Variants in CCBE1 observed in about 807,000 individuals in gnomAD.
CCBE1 encodes collagen and calcium-binding EGF domain-containing protein 1.
In CCBE1, 37 loss-of-function variants were observed where a neutral mutation model predicts 50.0. The ratio of observed to expected loss-of-function variants is 0.74; its 90% CI spans 0.57 to 0.97. CCBE1 has a LOEUF of 0.97. Ranked by LOEUF, CCBE1 falls within the 50% of genes least tolerant of loss-of-function variation. The pLI, the probability that CCBE1 is intolerant of heterozygous loss-of-function variation, is 0.00. For missense variants in CCBE1, 538 were observed against 523.8 expected, an observed-to-expected ratio of 1.03 and a Z score of -0.26; for synonymous variants, 234 against 203.7, an observed-to-expected ratio of 1.15 and a Z score of -1.27.
upstream of CCBE1, chr18:59,697,455 G>T: frequency 7.1e-7 from 1 of 1,413,404 alleles, no homozygotes; most frequent in South Asian, 1.4e-5. Context: ...CGGAGAGCAG[G>T]GGCGTTTGCA....
At chr18:59,653,354 A>G (rs943272539) in intron 2 of CCBE1, among the ~76,000 whole-genome samples, 1 of 152,222 alleles carries the variant, frequency 6.6e-6, no homozygotes, top group Non-Finnish European at 1.5e-5. Context: ...TACCCAGGTT[A>G]AGGTTAAACA....
At position 59,639,717 on chromosome 18, in the gene CCBE1, C is replaced by T. The variant is rs539255542; in HGVS notation, c.212+56912G>A. Among the ~76,000 whole-genome samples, 4 of 152,154 alleles carry T rather than the reference C, an allele frequency of 2.6e-5. No individual in the cohort carries two copies. The South Asian group carries it at 8.3e-4, about 32-fold the overall frequency. On this transcript the variant is annotated intron_variant, in intron 2 of 10. Coordinates refer to ENST00000439986, the MANE Select transcript of CCBE1 (RefSeq NM_133459.4). ...TAGTCAAACTTTCCCTGTTTCCAGG[C>T]GATATGATTTTATACCTAGAAACCC... is the stretch of plus-strand genomic sequence containing the variant.
Position 59,610,137 on chromosome 18 carries a change from A to T in CCBE1, c.212+86492T>A, listed in dbSNP as rs149679998. Among the ~76,000 whole-genome samples, 10 of 152,358 alleles carry T rather than the reference A, an allele frequency of 6.6e-5. No homozygotes were observed. In the East Asian group the frequency reaches 1.9e-3, roughly 29 times the overall value. ...TAAGTTTAAAAGTAGAGGAAAGTAC[A>T]TGGGAGCAATGAACACCAAGTTTGC... On this transcript the variant is annotated intron_variant, in intron 2 of 10. Transcript: ENST00000439986.
At chr18:59,449,213 C>T (rs1260315983) in intron 6 of CCBE1, among the ~76,000 whole-genome samples, 4 of 152,142 alleles carry the variant, frequency 2.6e-5, no homozygotes, top group African/African-American at 9.7e-5. Flanking sequence ...TGGATTTCCT[C>T]ATCTATAAAA....
chr18:59,527,694 T>C (rs923615280), intron 2 of CCBE1, among the ~76,000 whole-genome samples: 1 of 152,218 alleles, frequency 6.6e-6, no homozygotes, highest in African/African-American at 2.4e-5. Context: ...ACAAATTCTC[T>C]CAGGATTTGC....
chr18:59,521,262 G>T (rs12966739), intron 2 of CCBE1, among the ~76,000 whole-genome samples: 1 of 152,080 alleles, frequency 6.6e-6, no homozygotes, highest in Admixed American at 6.5e-5. Flanking sequence ...ACTCTGACAC[G>T]GAGATTTATC....
chr18:59,463,602 T>C lies in CCBE1; in HGVS notation c.553+3137A>G, dbSNP rs566365167. Among the ~76,000 whole-genome samples, 9 of 152,316 alleles carry C rather than the reference T, an allele frequency of 5.9e-5. 1 individual carries two copies. The highest frequency in any genetic ancestry group is 3.4e-3 in the Middle Eastern group (1 of 294). ...GTCTCTGGAAATTCCATCCCGCTTC[T>C]CTGGTCATTGCTAGTGATGGTTGGT... On this transcript the variant is annotated intron_variant, in intron 5 of 10. Coordinates refer to ENST00000439986, the MANE Select transcript of CCBE1 (RefSeq NM_133459.4).
At chr18:59,480,832 G>A (rs1912537298) in intron 2 of CCBE1, among the ~76,000 whole-genome samples, 1 of 151,558 alleles carries the variant, frequency 6.6e-6, no homozygotes, top group Non-Finnish European at 1.5e-5. Flanking sequence ...ATAGCAAACA[G>A]GTCATTCCTA....
chr18:59,460,430 T>C (rs923871001), intron 5 of CCBE1, among the ~76,000 whole-genome samples: 16 of 152,216 alleles, frequency 1.1e-4, no homozygotes, highest in African/African-American at 3.4e-4. Context: ...CATAACGAAA[T>C]ATTGAGCTTA....
chr18:59,637,560 C>T (rs540490601), intron 2 of CCBE1, among the ~76,000 whole-genome samples: 2 of 152,088 alleles, frequency 1.3e-5, no homozygotes, highest in South Asian at 4.2e-4. Context: ...ATGAAAAAAA[C>T]AACTCATTAA....
At chr18:59,489,159 T>A (rs1423534332) in intron 2 of CCBE1, among the ~76,000 whole-genome samples, 1 of 152,240 alleles carries the variant, frequency 6.6e-6, no homozygotes, top group Non-Finnish European at 1.5e-5. Flanking sequence ...TCTCAATGAT[T>A]AAAGGCATAT....
In CCBE1 at chr18:59,645,178, A is replaced by G. The variant is rs2054040291; in HGVS notation, c.212+51451T>C. ...CTGAGGCAGTAGACTGCAGTGAGCCAAGATCGCACCACTGCACTCCAGCCT... is the reference window on the plus strand; with the variant it reads ...CTGAGGCAGTAGACTGCAGTGAGCCGAGATCGCACCACTGCACTCCAGCCT... On this transcript the variant is annotated intron_variant, in intron 2 of 10. Transcript: ENST00000439986. 4.6e-5 allele frequency among the ~76,000 whole-genome samples: 7 copies of G among 152,298 alleles called. No individual in the cohort carries two copies. In the South Asian group the frequency reaches 1.5e-3, roughly 32 times the overall value.
intron 6 of CCBE1, among the ~76,000 whole-genome samples, chr18:59,452,418 C>A (rs992728474): frequency 3.3e-5 from 5 of 151,894 alleles, no homozygotes; most frequent in African/African-American, 1.2e-4. Context: ...TAGAGAAACC[C>A]TGTCTCCACT....
intron 6 of CCBE1, among the ~76,000 whole-genome samples, chr18:59,453,411 G>A (rs1410632227): frequency 6.6e-6 from 1 of 152,222 alleles, no homozygotes. Context: ...TATAGTGATA[G>A]ACAAGGTTTT....
intron 2 of CCBE1, among the ~76,000 whole-genome samples, chr18:59,500,262 C>A (rs1456566944): frequency 2.6e-5 from 4 of 152,232 alleles, no homozygotes; most frequent in African/African-American, 9.6e-5. Context: ...ACTGGTTTCC[C>A]ACCCTGGGAC....
rs139351765 is a variant in CCBE1 at position 59,431,445 on chromosome 18, G to A, written c.*4463C>T. On this transcript the variant is annotated 3_prime_UTR_variant, in exon 11 of 11. Coordinates refer to ENST00000439986, the MANE Select transcript of CCBE1 (RefSeq NM_133459.4). Reference sequence around the variant, plus strand: ...TTTTCAGGAAGGTTATTTGACAGATGTTAAGTCTGCAGAATGAGGCTGCTG... The same window carrying A: ...TTTTCAGGAAGGTTATTTGACAGATATTAAGTCTGCAGAATGAGGCTGCTG... 19 of 151,604 alleles carry A rather than the reference G, an allele frequency of 1.3e-4. No homozygotes were observed. The highest frequency in any genetic ancestry group is 4.1e-4 in the African/African-American group (17 of 41,312). The allele number at this position is 151,604 out of a possible 1,614,324, so 9.4% of individuals were successfully genotyped here.
chr18:59,578,153 A>T (rs147272810), intron 2 of CCBE1, among the ~76,000 whole-genome samples: 1 of 152,356 alleles, frequency 6.6e-6, no homozygotes, highest in African/African-American at 2.4e-5. Flanking sequence ...ATATGAACAG[A>T]CACTTCTTAA....
chr18:59,568,172 T>TG (rs33955178), intron 2 of CCBE1: 2 of 31,554 alleles, frequency 6.3e-5, no homozygotes, highest in African/African-American at 5.6e-4. Context: ...AAGAGGCCTA[T>TG]TTTTTTTTTT....
At position 59,577,722 on chromosome 18, in the gene CCBE1, A is replaced by G. The variant is rs144668525; in HGVS notation, c.213-97484T>C. Among the ~76,000 whole-genome samples the G allele has an allele frequency of 2.0e-3, 299 of 152,332 alleles. 4 individuals are homozygous for G. In the East Asian group the frequency reaches 0.03, roughly 15 times the overall value. On this transcript the variant is annotated intron_variant, in intron 2 of 10. Coordinates refer to ENST00000439986, the MANE Select transcript of CCBE1 (RefSeq NM_133459.4). Reference sequence around the variant, plus strand: ...TGTTACTGTATGAAATTTTGAACAGATGTAAATAGAGAAAAATAAATCAAT... The same window carrying G: ...TGTTACTGTATGAAATTTTGAACAGGTGTAAATAGAGAAAAATAAATCAAT...
Sources: gnomAD v4.1 joint callset for allele counts (sites outside exome capture counted in the v4.1 genomes callset) on GRCh38, gnomAD v4.1.1 for gene constraint, MANE v1.5 for transcripts, NCBI Gene and HGNC (gene_info 2026-07-23, HGNC 2026-07-21) for gene names.